Variants in ZHX2 observed in about 807,000 individuals in gnomAD.
ZHX2 encodes the protein zinc fingers and homeoboxes protein 2.
In ZHX2, 6 loss-of-function variants were observed where a neutral mutation model predicts 21.9. The observed-to-expected ratio is 0.27, with a 90% CI of 0.15 to 0.54. The LOEUF (loss-of-function observed/expected upper bound fraction) is 0.54, where lower values mean the gene tolerates loss of function less well. Ranked by LOEUF, ZHX2 falls within the 20% of genes least tolerant of loss-of-function variation. The pLI is 0.95. For synonymous variants in ZHX2, 434 were observed against 437.1 expected (o/e 0.99, Z 0.09); for missense variants, 908 against 1,090.7 (o/e 0.83, Z 2.36).
rs546268464 is a variant in ZHX2, at chr8:122,833,563, G to A, written c.-282-29914G>A. ...TGTTTTAAGGTGGGAGGTTGGAGGA[G>A]TAGAAGAAAGTTAGATGGCCCAGAG... On this transcript the variant is annotated intron_variant, in intron 1 of 3. Coordinates refer to ENST00000314393, the MANE Select transcript of ZHX2 (RefSeq NM_014943.5). Among the ~76,000 whole-genome samples, 11 of 152,276 alleles carry A rather than the reference G, an allele frequency of 7.2e-5. No individual in the cohort carries two copies. In the South Asian group the frequency reaches 2.3e-3, roughly 32 times the overall value.
In ZHX2 at chr8:122,951,364, C is replaced by T; in HGVS notation, c.-147C>T. The T allele has an allele frequency of 1.4e-6, 1 of 695,682 alleles. No homozygotes were observed. Among genetic ancestry groups the T allele is most frequent in the Non-Finnish European group, 2.4e-6 (1 of 424,542 alleles). The allele number at this position is 695,682 out of a possible 1,614,324, so 43.1% of individuals were successfully genotyped here. A position where few individuals can be genotyped will look rare whatever the true frequency, so the allele number is the denominator to read the frequency against. On this transcript the variant is annotated 5_prime_UTR_variant, in exon 3 of 4. Transcript: ENST00000314393. ...CTGTGCTGAAATCATTCTGAAAACT[C>T]AAACAGTAGACTTCAGCACACAAGG... is the stretch of plus-strand genomic sequence containing the variant.
At chr8:122,809,947 G>A (rs1817893633) in intron 1 of ZHX2, among the ~76,000 whole-genome samples, 1 of 152,080 alleles carries the variant, frequency 6.6e-6, no homozygotes, top group Admixed American at 6.5e-5. Flanking sequence ...GGATTGGGTA[G>A]GGGGGGTGGA....
At position 122,953,121 on chromosome 8, in the gene ZHX2, A is replaced by G; in HGVS notation, c.1611A>G (p.Thr537=). The G allele has an allele frequency of 6.2e-7, 1 of 1,613,898 alleles. No individual in the cohort carries two copies. Among genetic ancestry groups the G allele is most frequent in the Non-Finnish European group, 8.5e-7 (1 of 1,180,028 alleles). The part of the protein sequence containing the change: ...DFAPQKFKEK[T]QGQVKILEDS... ...CCCCCCAGAAGTTCAAAGAGAAAAC[A>G]CAGGGTCAGGTTAAAATCTTGGAAG... Residue 537 remains threonine, a synonymous_variant, in exon 3 of 4, where the codon ACA becomes ACG. Transcript: ENST00000314393. This position sits in a 1 kb window ranked among gnomAD's most constrained non-coding sequence, Gnocchi z 4.6.
intron 1 of ZHX2, among the ~76,000 whole-genome samples, chr8:122,833,454 G>C (rs139186591): frequency 0.012 from 1,900 of 152,228 alleles, 153 homozygotes; most frequent in Admixed American, 0.11. Flanking sequence ...AATGCGGACG[G>C]GGGTGTGGTG....
chr8:122,866,381 C>T (rs927830887), intron 2 of ZHX2, among the ~76,000 whole-genome samples: 6 of 152,270 alleles, frequency 3.9e-5, no homozygotes, highest in Non-Finnish European at 5.9e-5. Context: ...TCGCCTGAAA[C>T]ACTTGTCAGG....
intron 2 of ZHX2, among the ~76,000 whole-genome samples, chr8:122,864,583 G>A (rs1000832173): frequency 6.6e-6 from 1 of 152,032 alleles, no homozygotes; most frequent in Non-Finnish European, 1.5e-5. Context: ...CCAAGATCCA[G>A]ACCACATAGA....
At chr8:122,973,041 G>A (rs1331335841) in intron 3 of ZHX2, among the ~76,000 whole-genome samples, 2 of 152,172 alleles carry the variant, frequency 1.3e-5, no homozygotes. Flanking sequence ...ATGGCGGACT[G>A]TGCTCAGAAA....
chr8:122,782,125 AG>A lies in ZHX2; in HGVS notation c.-283+188del, dbSNP rs71310622. On this transcript the variant is annotated intron_variant, in intron 1 of 3. Transcript: ENST00000314393. The surrounding 1 kb of genome is among the most constrained non-coding windows in gnomAD (Gnocchi z 5.3). ...TTTGTGATTGGAAGGGGGGTACGGA[AG>A]GGGGGGGGTGTGCAGGCTCTTTTTG... Among the ~76,000 whole-genome samples, 27,260 of 92,472 alleles carry A rather than the reference AG, an allele frequency of 0.29. 3,397 individuals carry two copies. The highest frequency in any genetic ancestry group is 0.4 in the Middle Eastern group (84 of 208). 60.7% of individuals were successfully genotyped at this position (92,472 alleles called of 152,430 possible).
intron 2 of ZHX2, among the ~76,000 whole-genome samples, chr8:122,951,063 C>A (rs187737945): frequency 6.6e-6 from 1 of 152,246 alleles, no homozygotes; most frequent in East Asian, 1.9e-4. Context: ...GAAATGGTGA[C>A]CCTCATCCAT....
chr8:122,794,839 T>C (rs1817588551), intron 1 of ZHX2, among the ~76,000 whole-genome samples: 1 of 152,220 alleles, frequency 6.6e-6, no homozygotes, highest in African/African-American at 2.4e-5. Flanking sequence ...TAGTTCCTTC[T>C]TCCCAGAAAG....
intron 1 of ZHX2, among the ~76,000 whole-genome samples, chr8:122,831,019 G>A (rs1444602483): frequency 6.6e-6 from 1 of 152,108 alleles, no homozygotes; most frequent in Non-Finnish European, 1.5e-5. Flanking sequence ...ATGTAGAGTC[G>A]CCTTGGGTAA....
intron 2 of ZHX2, among the ~76,000 whole-genome samples, chr8:122,891,534 G>C (rs114694383): frequency 0.013 from 1,900 of 151,932 alleles, 37 homozygotes; most frequent in African/African-American, 0.043. Context: ...ATTTGAAATT[G>C]TTCTACTTTT....
intron 2 of ZHX2, among the ~76,000 whole-genome samples, chr8:122,908,740 C>G (rs1360096355): frequency 6.6e-6 from 1 of 152,170 alleles, no homozygotes; most frequent in Non-Finnish European, 1.5e-5. Context: ...AAAACACTTG[C>G]CAGTGAACGA....
At chr8:122,852,957 C>T (rs539963730) in intron 1 of ZHX2, among the ~76,000 whole-genome samples, 1 of 151,988 alleles carries the variant, frequency 6.6e-6, no homozygotes, top group East Asian at 1.9e-4. Flanking sequence ...AAAACAGCCT[C>T]ATATCTCTTA....
chr8:122,825,048 A>G (rs78149716), intron 1 of ZHX2, among the ~76,000 whole-genome samples: 1,889 of 152,288 alleles, frequency 0.012, 30 homozygotes, highest in African/African-American at 0.035. Flanking sequence ...TACCTGGTTA[A>G]GCCAGGATAA....
At chr8:122,905,056 T>C (rs1239193387) in intron 2 of ZHX2, among the ~76,000 whole-genome samples, 1 of 152,128 alleles carries the variant, frequency 6.6e-6, no homozygotes, top group African/African-American at 2.4e-5. Context: ...AAAGAATCAG[T>C]GAACTTCAAG....
At chr8:122,970,489 G>A (rs1452942588) in intron 3 of ZHX2, among the ~76,000 whole-genome samples, 2 of 152,168 alleles carry the variant, frequency 1.3e-5, no homozygotes, top group African/African-American at 2.4e-5. Flanking sequence ...ACTCTGGGAG[G>A]TTAAGTAACC....
intron 1 of ZHX2, among the ~76,000 whole-genome samples, chr8:122,831,491 A>G (rs1818373922): frequency 6.6e-6 from 1 of 152,176 alleles, no homozygotes; most frequent in South Asian, 2.1e-4. Flanking sequence ...CCCTTCTTTG[A>G]CATACCATGG....
At chr8:122,867,800 C>G (rs1254555279) in intron 2 of ZHX2, among the ~76,000 whole-genome samples, 1 of 152,174 alleles carries the variant, frequency 6.6e-6, no homozygotes, top group Non-Finnish European at 1.5e-5. Flanking sequence ...ATTTCTTTTC[C>G]CCCGTACCAC....
Sources: allele counts gnomAD v4.1 joint callset (sites outside exome capture counted in the v4.1 genomes callset), GRCh38; gene constraint gnomAD v4.1.1; non-coding constraint Gnocchi (gnomAD v3.1); transcripts MANE v1.5; gene names NCBI Gene and HGNC (gene_info 2026-07-23, HGNC 2026-07-21).